The following PTPRG variants were observed in gnomAD, a reference collection of about 807,000 sequenced individuals.
PTPRG encodes the protein receptor-type tyrosine-protein phosphatase gamma.
PTPRG carries 102 observed loss-of-function variants against 165.3 expected under a neutral mutation model. That is an observed-to-expected ratio of 0.62 (90% CI 0.53 to 0.73). The LOEUF (loss-of-function observed/expected upper bound fraction) is 0.73, where lower values mean the gene tolerates loss of function less well. Ranked by LOEUF, PTPRG falls within the 30% of genes least tolerant of loss-of-function variation. PTPRG has a pLI of 0.00. For synonymous variants in PTPRG, 675 were observed against 669.5 expected (o/e 1.01, Z -0.13); for missense variants, 1,866 against 1,861.4 (o/e 1.00, Z -0.05).
intron 1 of PTPRG, among the ~76,000 whole-genome samples, chr3:61,646,544 A>G (rs748989798): frequency 3.1e-4 from 47 of 152,200 alleles, no homozygotes; most frequent in Non-Finnish European, 8.8e-5. Context: ...GCCTCCCCCA[A>G]TGATGCATTC....
intron 5 of PTPRG, among the ~76,000 whole-genome samples, chr3:62,116,225 A>G (rs1316313582): frequency 6.6e-6 from 1 of 152,148 alleles, no homozygotes; most frequent in African/African-American, 2.4e-5. Flanking sequence ...TTGTCATAGG[A>G]CAGATTGAAA....
At chr3:62,020,851 T>TTTG (rs2041672941) in intron 4 of PTPRG, among the ~76,000 whole-genome samples, 1 of 151,758 alleles carries the variant, frequency 6.6e-6, no homozygotes, top group South Asian at 2.1e-4. Flanking sequence ...TTTTGTTTTT[T>TTTG]TTTTTTGGAT....
At position 61,742,931 on chromosome 3, in the gene PTPRG, G is replaced by A. The variant is rs867693005; in HGVS notation, c.86-5947G>A. ...AGGACACACACACACAACTTAGGGCGGGGAGTGGACTTAAGTCTGACGGTG... is the reference window on the plus strand; with the variant it reads ...AGGACACACACACACAACTTAGGGCAGGGAGTGGACTTAAGTCTGACGGTG... On this transcript the variant is annotated intron_variant, in intron 1 of 29. Transcript: ENST00000474889. 30 of 1,466,510 alleles carry A rather than the reference G, an allele frequency of 2.0e-5. No homozygotes were observed. The African/African-American group carries it at 3.2e-4, about 16-fold the overall frequency. The allele number at this position is 1,466,510 out of a possible 1,614,324, so 90.8% of individuals were successfully genotyped here.
At chr3:61,603,565 A>C (rs551517350) in intron 1 of PTPRG, among the ~76,000 whole-genome samples, 1 of 152,328 alleles carries the variant, frequency 6.6e-6, no homozygotes, top group African/African-American at 2.4e-5. Context: ...TCATGGCCTA[A>C]TATAGCTACC....
At chr3:61,872,541 A>G (rs1239697785) in intron 2 of PTPRG, among the ~76,000 whole-genome samples, 1 of 152,186 alleles carries the variant, frequency 6.6e-6, no homozygotes, top group Non-Finnish European at 1.5e-5. Flanking sequence ...TTGCCGATGC[A>G]ATAAGATGAG....
Position 61,944,343 on chromosome 3 carries a change from T to TG in PTPRG, c.191-45281dup, listed in dbSNP as rs558182449. Among the ~76,000 whole-genome samples, 10 of 152,338 alleles carry TG rather than the reference T, an allele frequency of 6.6e-5. No homozygotes were observed. The East Asian group carries it at 1.9e-3, about 29-fold the overall frequency. ...TGATCGGAGCGCATCTTACAACTGA[T>TG]GCCCTCCTGTTCTTAAGATTGGCAG... On this transcript the variant is annotated intron_variant, in intron 2 of 29. Transcript: ENST00000474889.
At chr3:61,738,020 T>G (rs1216954304) in intron 1 of PTPRG, among the ~76,000 whole-genome samples, 2 of 150,428 alleles carry the variant, frequency 1.3e-5, no homozygotes, top group Non-Finnish European at 1.5e-5. Flanking sequence ...GCCATTCTCC[T>G]GCCTCAGCCT....
At chr3:62,005,017 C>T (rs1269309322) in intron 4 of PTPRG, among the ~76,000 whole-genome samples, 1 of 152,154 alleles carries the variant, frequency 6.6e-6, no homozygotes, top group Non-Finnish European at 1.5e-5. Context: ...AATCTCTACA[C>T]AATATGAAAG....
At chr3:61,916,441 G>A (rs1266373450) in intron 2 of PTPRG, among the ~76,000 whole-genome samples, 2 of 152,190 alleles carry the variant, frequency 1.3e-5, no homozygotes, top group African/African-American at 4.8e-5. Flanking sequence ...TCCCCACCTT[G>A]TATGTTTTAA....
chr3:61,671,615 C>T (rs1471808729), intron 1 of PTPRG, among the ~76,000 whole-genome samples: 1 of 148,916 alleles, frequency 6.7e-6, no homozygotes, highest in Admixed American at 6.7e-5. Flanking sequence ...TCCACAAAAC[C>T]GCCATTGTCA....
chr3:61,930,684 G>C (rs1228619590), intron 2 of PTPRG, among the ~76,000 whole-genome samples: 1 of 152,070 alleles, frequency 6.6e-6, no homozygotes, highest in East Asian at 1.9e-4. Context: ...ATCCTCTATG[G>C]GTGTTCCAAA....
Position 61,827,034 on chromosome 3 carries a change from G to A in PTPRG, c.190+78052G>A, listed in dbSNP as rs573279496. Among the ~76,000 whole-genome samples the A allele has an allele frequency of 2.6e-4, 39 of 152,150 alleles. 1 individual carries two copies. In the South Asian group the frequency reaches 4.8e-3, roughly 19 times the overall value. ...ATCAGGCAACTAGAATGAGAATATC[G>A]ATATGAATGAGGATATAGACGTTTG... On this transcript the variant is annotated intron_variant, in intron 2 of 29. Transcript: ENST00000474889.
At chr3:62,019,117 C>A (rs1330334925) in intron 4 of PTPRG, among the ~76,000 whole-genome samples, 1 of 152,202 alleles carries the variant, frequency 6.6e-6, no homozygotes, top group African/African-American at 2.4e-5. Flanking sequence ...AGGTGCTCAT[C>A]TGTTTCACAT....
Position 62,209,040 on chromosome 3 carries a change from G to A in PTPRG, c.2155+5090G>A, listed in dbSNP as rs193121348. Among the ~76,000 whole-genome samples, 312 of 152,338 alleles carry A rather than the reference G, an allele frequency of 2.0e-3. 1 individual carries two copies. Among genetic ancestry groups the A allele is most frequent in the African/African-American group, 7.3e-3 (302 of 41,580 alleles). On this transcript the variant is annotated intron_variant, in intron 12 of 29. Coordinates refer to ENST00000474889, the MANE Select transcript of PTPRG (RefSeq NM_002841.4). ...TTCCCCATGTGATGCTGGCTTTGGC[G>A]CCAGTTCCCAGAATGAGCAATGCCA...
chr3:61,659,710 C>T (rs1702606165), intron 1 of PTPRG, among the ~76,000 whole-genome samples: 1 of 152,124 alleles, frequency 6.6e-6, no homozygotes, highest in African/African-American at 2.4e-5. Flanking sequence ...GAAGTCATGT[C>T]TGGGTGCAGT....
At chr3:61,885,295 G>A (rs550875637) in intron 2 of PTPRG, among the ~76,000 whole-genome samples, 2 of 152,110 alleles carry the variant, frequency 1.3e-5, no homozygotes, top group Admixed American at 6.5e-5. Flanking sequence ...AAAACCACCT[G>A]TGTGGATTTC....
At chr3:61,779,055 TAC>T (rs915485662) in intron 2 of PTPRG, among the ~76,000 whole-genome samples, 48 of 152,204 alleles carry the variant, frequency 3.2e-4, no homozygotes, top group African/African-American at 1.1e-3. Context: ...CAGGAGGATT[TAC>T]ACACACACAG....
intron 2 of PTPRG, among the ~76,000 whole-genome samples, chr3:61,830,699 C>T (rs749097308): frequency 4.6e-5 from 7 of 151,436 alleles, no homozygotes; most frequent in Non-Finnish European, 8.8e-5. Flanking sequence ...CTCAGCCTCC[C>T]GAGTAGCTGG....
rs188911191 is a variant in PTPRG, at chr3:61,606,967, G to A, written c.85+44595G>A. ...GTCACGTTCAGCTGGACCAATAACT[G>A]AACAGGCTCAGATGACGTCCCCACC... On this transcript the variant is annotated intron_variant, in intron 1 of 29. Coordinates refer to ENST00000474889, the MANE Select transcript of PTPRG (RefSeq NM_002841.4). 2.3e-3 allele frequency among the ~76,000 whole-genome samples: 356 copies of A among 152,302 alleles called. 1 individual carries two copies. Among genetic ancestry groups the A allele is most frequent in the Non-Finnish European group, 4.2e-3 (285 of 68,036 alleles).
Sources: allele counts gnomAD v4.1 joint callset (sites outside exome capture counted in the v4.1 genomes callset), GRCh38; gene constraint gnomAD v4.1.1; transcripts MANE v1.5; gene names NCBI Gene and HGNC (gene_info 2026-07-23, HGNC 2026-07-21).